Variants in NFAT5 observed in about 807,000 individuals in gnomAD.
NFAT5 encodes nuclear factor of activated T-cells 5.
In NFAT5, 31 loss-of-function variants were observed where a neutral mutation model predicts 166.5. That is an observed-to-expected ratio of 0.19 (90% CI 0.14 to 0.25). The LOEUF is 0.25. Among genes scored for constraint, NFAT5 ranks in the 10% least tolerant of loss-of-function variants. NFAT5 has a pLI of 1.00. For synonymous variants in NFAT5, 612 were observed against 639.7 expected (o/e 0.96, Z 0.65); for missense variants, 1,449 against 1,821.8 (o/e 0.80, Z 3.72).
chr16:69,601,570 C>T (rs1019061574), intron 2 of NFAT5, among the ~76,000 whole-genome samples: 3 of 152,180 alleles, frequency 2.0e-5, no homozygotes, highest in East Asian at 3.9e-4. Context: ...GACAGGATCT[C>T]GCTATGTTGC....
intron 2 of NFAT5, among the ~76,000 whole-genome samples, chr16:69,581,763 G>C (rs1377447119): frequency 6.6e-6 from 1 of 152,014 alleles, no homozygotes; most frequent in Non-Finnish European, 1.5e-5. Flanking sequence ...CCTATTCAAG[G>C]CTTTTGTGAA....
chr16:69,666,494 TCAA>T (rs2036386667), intron 7 of NFAT5, among the ~76,000 whole-genome samples: 1 of 151,570 alleles, frequency 6.6e-6, no homozygotes, highest in South Asian at 2.1e-4. Flanking sequence ...AACAACCCCA[TCAA>T]CAAGTGGGCG....
intron 2 of NFAT5, among the ~76,000 whole-genome samples, chr16:69,574,344 ATTGTC>A (rs1286334999): frequency 2.0e-5 from 3 of 152,162 alleles, no homozygotes; most frequent in Non-Finnish European, 2.9e-5. Context: ...AATTTGTATT[ATTGTC>A]TTTTCTTGCT....
At chr16:69,649,672 A>G (rs2035587483) in intron 4 of NFAT5, 1 of 501,026 alleles carries the variant, frequency 2.0e-6, no homozygotes, top group Non-Finnish European at 2.6e-6. Context: ...ATACCTAAAT[A>G]TATAGAAAAA....
chr16:69,587,983 C>T (rs1420932801), intron 2 of NFAT5, among the ~76,000 whole-genome samples: 3 of 108,304 alleles, frequency 2.8e-5, no homozygotes, highest in Admixed American at 1.3e-4. Context: ...GACAGAGTCT[C>T]ACTCTATTGC....
intron 2 of NFAT5, among the ~76,000 whole-genome samples, chr16:69,595,418 G>A (rs781115618): frequency 1.3e-5 from 2 of 152,162 alleles, no homozygotes; most frequent in Non-Finnish European, 2.9e-5. Flanking sequence ...TGTTGCTCAT[G>A]GGTTTCTGGT....
chr16:69,603,456 G>C (rs188265175), intron 2 of NFAT5, among the ~76,000 whole-genome samples: 11 of 152,118 alleles, frequency 7.2e-5, no homozygotes, highest in African/African-American at 2.7e-4. Context: ...TGCATTGTTG[G>C]AGTTAAAATA....
chr16:69,571,025 TG>T lies in NFAT5; in HGVS notation c.127+2478del, dbSNP rs576763898. ...TAAATGCTAGCTGTAGAGTGTTTACTGTGTGCCAAGAACTTTACAAATAAGA... is the reference window on the plus strand; with the variant it reads ...TAAATGCTAGCTGTAGAGTGTTTACTTGTGCCAAGAACTTTACAAATAAGA... On this transcript the variant is annotated intron_variant, in intron 2 of 14. Transcript: ENST00000349945. Among the ~76,000 whole-genome samples the T allele has an allele frequency of 8.0e-5, 12 of 150,508 alleles. No individual in the cohort carries two copies. The South Asian group carries it at 2.5e-3, about 32-fold the overall frequency.
intron 4 of NFAT5, 115 bp from the exon 5 acceptor site, chr16:69,653,121 A>G: frequency 1.6e-6 from 1 of 620,902 alleles, no homozygotes; most frequent in Non-Finnish European, 2.7e-6. Flanking sequence ...AGCAAGCTGA[A>G]TAGTTGTTTT....
At position 69,611,346 on chromosome 16, in the gene NFAT5, A is replaced by G. The variant is rs569892257; in HGVS notation, c.128-15057A>G. On this transcript the variant is annotated intron_variant, in intron 2 of 14. Transcript: ENST00000349945. ...GTGTTCTAAATTTTAAAATGAATGT[A>G]TGTTGACATTTTTCATTGCTTACAT... Among the ~76,000 whole-genome samples, 11 of 152,320 alleles carry G rather than the reference A, an allele frequency of 7.2e-5. No homozygotes were observed. The East Asian group carries it at 2.1e-3, about 29-fold the overall frequency.
In NFAT5 at chr16:69,696,730, A is replaced by C. The variant is rs1035977400; in HGVS notation, c.*379A>C. 6.6e-6 allele frequency: 1 copy of C among 152,618 alleles called. No individual in the cohort carries two copies. The highest frequency in any genetic ancestry group is 1.5e-5 in the Non-Finnish European group (1 of 68,030). The allele number at this position is 152,618 out of a possible 1,614,324, so 9.5% of individuals were successfully genotyped here. A position where few individuals can be genotyped will look rare whatever the true frequency, so the allele number is the denominator to read the frequency against. ...TATATCATGTTTACTTTTGTTCTTC[A>C]TTATTTTCTTTCCTGCATTGTTTTA... On this transcript the variant is annotated 3_prime_UTR_variant, in exon 15 of 15. Transcript: ENST00000349945.
chr16:69,615,019 G>C (rs1481692433), intron 2 of NFAT5, among the ~76,000 whole-genome samples: 1 of 151,048 alleles, frequency 6.6e-6, no homozygotes, highest in East Asian at 1.9e-4. Flanking sequence ...TAGGGCTATA[G>C]GCACCCACCA....
intron 7 of NFAT5, among the ~76,000 whole-genome samples, chr16:69,661,533 G>A (rs557545157): frequency 1.8e-5 from 1 of 56,052 alleles, no homozygotes; most frequent in South Asian, 7.1e-4. Context: ...AAGAGACCCA[G>A]TCTCTTAAAA....
chr16:69,682,546 G>A (rs1431808890), intron 10 of NFAT5, among the ~76,000 whole-genome samples: 1 of 151,996 alleles, frequency 6.6e-6, no homozygotes, highest in East Asian at 1.9e-4. Flanking sequence ...TTGAGCCTGA[G>A]AGATTGAGGC....
At position 69,698,063 on chromosome 16, in the gene NFAT5, G is replaced by A. The variant is rs2037819478; in HGVS notation, c.*1712G>A. ...TTGTGATGATCTTCCTTTGTTCTTT[G>A]AATGTGCTCTTTTGTCTTTTTCTCT... On this transcript the variant is annotated 3_prime_UTR_variant, in exon 15 of 15. Transcript: ENST00000349945. The A allele has an allele frequency of 6.7e-6, 1 of 148,446 alleles. No individual in the cohort carries two copies. Among genetic ancestry groups the A allele is most frequent in the Admixed American group, 6.8e-5 (1 of 14,640 alleles). The allele number at this position is 148,446 out of a possible 1,614,324, so 9.2% of individuals were successfully genotyped here.
At chr16:69,672,852 T>C (rs190004804) in intron 9 of NFAT5, among the ~76,000 whole-genome samples, 1 of 152,326 alleles carries the variant, frequency 6.6e-6, no homozygotes. Context: ...GTTATTCTTA[T>C]GATAAAGATT....
At chr16:69,597,105 A>G (rs1211160164) in intron 2 of NFAT5, among the ~76,000 whole-genome samples, 1 of 152,146 alleles carries the variant, frequency 6.6e-6, no homozygotes. Flanking sequence ...GGAGAATACC[A>G]TGTTAGAAGT....
intron 1 of NFAT5, among the ~76,000 whole-genome samples, chr16:69,567,921 T>G (rs1009623812): frequency 6.6e-6 from 1 of 152,196 alleles, no homozygotes; most frequent in Non-Finnish European, 1.5e-5. Flanking sequence ...AACATATACT[T>G]TATGAAAATC....
chr16:69,608,695 A>G (rs1190021515), intron 2 of NFAT5, among the ~76,000 whole-genome samples: 1 of 150,702 alleles, frequency 6.6e-6, no homozygotes, highest in Non-Finnish European at 1.5e-5. Flanking sequence ...GCTCACTGCA[A>G]GCTCTGCCTC....
Sources: allele counts gnomAD v4.1 joint callset (sites outside exome capture counted in the v4.1 genomes callset), GRCh38; gene constraint gnomAD v4.1.1; transcripts MANE v1.5; gene names NCBI Gene and HGNC (gene_info 2026-07-23, HGNC 2026-07-21).